PTPRK: variants seen among roughly 807,000 people sequenced by gnomAD.
PTPRK encodes protein tyrosine phosphatase receptor type K.
Under a neutral mutation model 178.0 loss-of-function variants are expected in PTPRK, and 75 were observed. The ratio of observed to expected loss-of-function variants is 0.42; its 90% CI spans 0.35 to 0.51. The LOEUF is 0.51. Among genes scored for constraint, PTPRK ranks in the 20% least tolerant of loss-of-function variants. PTPRK has a pLI of 0.02. For synonymous variants in PTPRK, 637 were observed against 620.6 expected (o/e 1.03, Z -0.39); for missense variants, 1,441 against 1,797.8 (o/e 0.80, Z 3.59).
chr6:128,238,185 CAAA>C (rs58051125), intron 5 of PTPRK: 4,693 of 201,526 alleles, frequency 0.023, 47 homozygotes, highest in African/African-American at 0.086. Flanking sequence ...TAGCAAACGC[CAAA>C]AAAAAAAAAA....
At chr6:128,290,882 T>G (rs532686447) in intron 3 of PTPRK, among the ~76,000 whole-genome samples, 2 of 152,260 alleles carry the variant, frequency 1.3e-5, no homozygotes, top group African/African-American at 4.8e-5. Flanking sequence ...TGCCTGGTAT[T>G]AAACAAGGCA....
At chr6:128,201,944 C>T (rs1348575691) in intron 6 of PTPRK, among the ~76,000 whole-genome samples, 5 of 151,982 alleles carry the variant, frequency 3.3e-5, no homozygotes, top group African/African-American at 1.2e-4. Context: ...GTAAAACTTG[C>T]TTCAAGTAGC....
At chr6:128,048,129 CG>C (rs1554278476) in intron 13 of PTPRK, among the ~76,000 whole-genome samples, 1 of 152,150 alleles carries the variant, frequency 6.6e-6, no homozygotes, top group Non-Finnish European at 1.5e-5. Flanking sequence ...ATTACATCTA[CG>C]ACGCTAAACC....
intron 2 of PTPRK, among the ~76,000 whole-genome samples, chr6:128,368,818 A>G (rs930832132): frequency 4.6e-5 from 7 of 152,162 alleles, no homozygotes; most frequent in African/African-American, 9.7e-5. Context: ...CCAAAGTACA[A>G]TACAATTATA....
intron 10 of PTPRK, among the ~76,000 whole-genome samples, chr6:128,079,359 T>G (rs117975486): frequency 5.3e-5 from 8 of 151,972 alleles, no homozygotes; most frequent in Admixed American, 2.6e-4. Flanking sequence ...TATGATCTTA[T>G]AGTGTAGAAA....
intron 5 of PTPRK, among the ~76,000 whole-genome samples, chr6:128,227,979 G>C (rs1433187721): frequency 6.6e-6 from 1 of 151,980 alleles, no homozygotes; most frequent in African/African-American, 2.4e-5. Flanking sequence ...GGGATAGGGG[G>C]CTAGGGGAGA....
intron 27 of PTPRK, among the ~76,000 whole-genome samples, chr6:127,974,214 T>C (rs1774257700): frequency 1.3e-5 from 2 of 152,218 alleles, no homozygotes; most frequent in Non-Finnish European, 2.9e-5. Flanking sequence ...ATTCTTACTA[T>C]AGGCATCATG....
At chr6:128,446,951 A>G (rs920349398) in intron 1 of PTPRK, among the ~76,000 whole-genome samples, 5 of 152,158 alleles carry the variant, frequency 3.3e-5, no homozygotes, top group African/African-American at 1.2e-4. Flanking sequence ...TCTACTGCAT[A>G]GTTACTTAAA....
chr6:128,060,952 C>T (rs770340829), intron 13 of PTPRK, among the ~76,000 whole-genome samples: 3 of 152,044 alleles, frequency 2.0e-5, no homozygotes, highest in East Asian at 1.9e-4. Flanking sequence ...TTTGATTAAA[C>T]GTGAAAGCAG....
intron 3 of PTPRK, among the ~76,000 whole-genome samples, chr6:128,278,495 G>T (rs187850315): frequency 2.5e-4 from 38 of 152,224 alleles, no homozygotes; most frequent in African/African-American, 8.4e-4. Flanking sequence ...GCATTTGAAA[G>T]AATCTCTCAC....
At chr6:128,295,531 C>A (rs1215576724) in intron 3 of PTPRK, among the ~76,000 whole-genome samples, 1 of 152,034 alleles carries the variant, frequency 6.6e-6, no homozygotes, top group Non-Finnish European at 1.5e-5. Flanking sequence ...GTAAAAGATG[C>A]AGCAATGTCA....
intron 3 of PTPRK, among the ~76,000 whole-genome samples, chr6:128,243,683 G>A (rs1477402229): frequency 1.3e-5 from 2 of 151,616 alleles, no homozygotes. Flanking sequence ...GACAGAGCAA[G>A]ACCCTGACTC....
intron 13 of PTPRK, among the ~76,000 whole-genome samples, chr6:128,014,217 C>T (rs1391546249): frequency 6.6e-6 from 1 of 151,584 alleles, no homozygotes. Context: ...TGATAACAAA[C>T]ATTTCTGAGT....
intron 2 of PTPRK, among the ~76,000 whole-genome samples, chr6:128,330,142 G>A (rs1036182172): frequency 7.2e-5 from 11 of 152,106 alleles, no homozygotes; most frequent in South Asian, 4.1e-4. Flanking sequence ...CAATAATATT[G>A]CTTCATGCCC....
chr6:128,204,484 C>T (rs553718088), intron 6 of PTPRK, among the ~76,000 whole-genome samples: 16 of 152,048 alleles, frequency 1.1e-4, no homozygotes, highest in African/African-American at 3.1e-4. Flanking sequence ...AACAAACAAC[C>T]TACAAAATGG....
intron 7 of PTPRK, among the ~76,000 whole-genome samples, chr6:128,122,296 G>A (rs1319183964): frequency 1.3e-5 from 2 of 152,102 alleles, no homozygotes; most frequent in Non-Finnish European, 2.9e-5. Context: ...TGAGGAGGAA[G>A]CCTGAATAAG....
intron 5 of PTPRK, among the ~76,000 whole-genome samples, chr6:128,229,921 T>C (rs1812017617): frequency 6.6e-6 from 1 of 152,156 alleles, no homozygotes; most frequent in Non-Finnish European, 1.5e-5. Flanking sequence ...AAATAGTAGA[T>C]TAGGGGGAGT....
At chr6:128,427,831 G>T (rs373132323) in intron 1 of PTPRK, among the ~76,000 whole-genome samples, 217 of 152,248 alleles carry the variant, frequency 1.4e-3, no homozygotes, top group African/African-American at 4.9e-3. Context: ...GGTGGCTCAC[G>T]CCTGCAATCC....
chr6:128,497,385 C>G (rs997199857), intron 1 of PTPRK, among the ~76,000 whole-genome samples: 1 of 152,064 alleles, frequency 6.6e-6, no homozygotes, highest in African/African-American at 2.4e-5. Flanking sequence ...TGAGGCAGGG[C>G]GATCCCTTGA....
Sources: gnomAD v4.1 joint callset for allele counts (sites outside exome capture counted in the v4.1 genomes callset) on GRCh38, gnomAD v4.1.1 for gene constraint, MANE v1.5 for transcripts, NCBI Gene and HGNC (gene_info 2026-07-23, HGNC 2026-07-21) for gene names.